Variants in PMFBP1 observed in about 807,000 individuals in gnomAD.
The protein encoded by PMFBP1 is polyamine modulated factor 1 binding protein 1, also known as polyamine-modulated factor 1-binding protein 1.
A neutral mutation model predicts 137.8 loss-of-function variants in PMFBP1; 131 were observed. That is an observed-to-expected ratio of 0.95 (90% CI 0.82 to 1.10). PMFBP1 has a LOEUF of 1.10. Ranked by LOEUF, PMFBP1 falls within the 50% of genes least tolerant of loss-of-function variation. PMFBP1 has a pLI of 0.00. For synonymous variants in PMFBP1, 490 were observed against 450.4 expected (o/e 1.09, Z -1.11); for missense variants, 1,199 against 1,175.4 (o/e 1.02, Z -0.29).
chr16:72,157,814 G>T (rs1049649429), intron 3 of PMFBP1, among the ~76,000 whole-genome samples: 1 of 152,164 alleles, frequency 6.6e-6, no homozygotes, highest in South Asian at 2.1e-4. Context: ...GGATGACGGC[G>T]TGGACCAAGA....
the PMFBP1 span, among the ~76,000 whole-genome samples, chr16:72,239,915 A>AAAAAAAAAAAAAAAAAAAAAAAAAAAG: frequency 1.4e-5 from 2 of 145,048 alleles, 1 homozygote; most frequent in Non-Finnish European, 3.1e-5. Flanking sequence ...AAAAAAAAAA[A>AAAAAAAAAAAAAAAAAAAAAAAAAAAG]AAGAATGTTC....
chr16:72,181,874 T>C (rs912004295), upstream of PMFBP1, among the ~76,000 whole-genome samples: 1 of 152,218 alleles, frequency 6.6e-6, no homozygotes, highest in African/African-American at 2.4e-5. Flanking sequence ...TTTACAGGGG[T>C]GTCCAATCTT....
rs370175957 is a variant in PMFBP1 at position 72,121,833 on chromosome 16, G to A, written c.2768+1081C>T. Among the ~76,000 whole-genome samples, 51 of 152,272 alleles carry A rather than the reference G, an allele frequency of 3.3e-4. No homozygotes were observed. The South Asian group carries it at 8.5e-3, about 25-fold the overall frequency. On this transcript the variant is annotated intron_variant, in intron 19 of 20. Transcript: ENST00000237353. The stretch of plus-strand genomic sequence containing the variant: ...TTTATACAGACAGGGCCTTGCTGTC[G>A]TCCAGGCTAGTCTTAAACTCCTGGG...
At chr16:72,228,837 CTT>C in the PMFBP1 span, among the ~76,000 whole-genome samples, 155 of 135,600 alleles carry the variant, frequency 1.1e-3, no homozygotes, top group Middle Eastern at 3.8e-3. Context: ...TTATATATTA[CTT>C]TTTTTTTTTT....
At chr16:72,142,378 G>A (rs1261802622) in intron 5 of PMFBP1, among the ~76,000 whole-genome samples, 1 of 151,966 alleles carries the variant, frequency 6.6e-6, no homozygotes, top group African/African-American at 2.4e-5. Flanking sequence ...AGACTAAAAG[G>A]ATTAGTGAAG....
At chr16:72,209,725 A>G in the PMFBP1 span, among the ~76,000 whole-genome samples, 78,049 of 152,022 alleles carry the variant, frequency 0.51, 21,265 homozygotes, top group African/African-American at 0.69. Flanking sequence ...AATACAAGAC[A>G]TAATATTGAC....
At chr16:72,120,444 C>A (rs1289793371) in intron 19 of PMFBP1, among the ~76,000 whole-genome samples, 1 of 152,180 alleles carries the variant, frequency 6.6e-6, no homozygotes, top group Non-Finnish European at 1.5e-5. Flanking sequence ...AGCCAGAAGG[C>A]TGGTAGGGAC....
chr16:72,163,116 C>A (rs559580005), intron 3 of PMFBP1, among the ~76,000 whole-genome samples: 1 of 152,354 alleles, frequency 6.6e-6, no homozygotes, highest in South Asian at 2.1e-4. Flanking sequence ...GTGAAGAACA[C>A]AGTGGCGGCT....
rs1175984972 is a variant in PMFBP1, at chr16:72,140,400, G to A, written c.807+12C>T. On this transcript the variant is annotated intron_variant, in intron 6 of 20. Coordinates refer to ENST00000237353, the MANE Select transcript of PMFBP1 (RefSeq NM_031293.3). The stretch of plus-strand genomic sequence containing the variant: ...GGTCTCCCAGAGACATGTTCTAGAA[G>A]AAGGCACTTACCAAAGCGTTACTGC... 1 of 1,607,256 alleles carries A rather than the reference G, an allele frequency of 6.2e-7. No individual in the cohort carries two copies. The highest frequency in any genetic ancestry group is 2.2e-5 in the East Asian group (1 of 44,844).
At chr16:72,207,305 A>G in the PMFBP1 span, among the ~76,000 whole-genome samples, 1 of 152,210 alleles carries the variant, frequency 6.6e-6, no homozygotes, top group Non-Finnish European at 1.5e-5. Flanking sequence ...AGGAAAAGCC[A>G]CAGGGCTTGT....
the PMFBP1 span, among the ~76,000 whole-genome samples, chr16:72,212,814 C>T: frequency 6.6e-6 from 1 of 152,132 alleles, no homozygotes; most frequent in South Asian, 2.1e-4. Context: ...AAAAAAGATC[C>T]TGAAAGTTTC....
chr16:72,220,880 T>C, the PMFBP1 span, among the ~76,000 whole-genome samples: 1 of 152,154 alleles, frequency 6.6e-6, no homozygotes, highest in Non-Finnish European at 1.5e-5. Flanking sequence ...ACTGTCTGCT[T>C]TGGGAAAGGT....
intron 5 of PMFBP1, among the ~76,000 whole-genome samples, chr16:72,149,647 A>G (rs904527740): frequency 1.3e-5 from 2 of 152,118 alleles, no homozygotes; most frequent in Non-Finnish European, 2.9e-5. Context: ...ACACGGCGAA[A>G]CCATGTCTCT....
chr16:72,245,433 T>C, the PMFBP1 span, among the ~76,000 whole-genome samples: 153 of 152,314 alleles, frequency 1.0e-3, 3 homozygotes, highest in South Asian at 0.03. Context: ...CCAGATGGCC[T>C]GGCTACAGAG....
the PMFBP1 span, among the ~76,000 whole-genome samples, chr16:72,220,704 T>C: frequency 6.6e-6 from 1 of 152,124 alleles, no homozygotes; most frequent in African/African-American, 2.4e-5. Context: ...GCCTTGCATT[T>C]TTCTCCAGGC....
the PMFBP1 span, among the ~76,000 whole-genome samples, chr16:72,188,841 G>A: frequency 2.0e-5 from 3 of 152,090 alleles, no homozygotes; most frequent in Non-Finnish European, 4.4e-5. Flanking sequence ...GGCGGCCATG[G>A]AAAACCCATC....
At chr16:72,126,242 C>G in intron 14 of PMFBP1, 110 bp from the exon 15 acceptor site, 1 of 1,176,420 alleles carries the variant, frequency 8.5e-7, no homozygotes, top group South Asian at 1.5e-5. Flanking sequence ...TCTGCAGCAA[C>G]CTGCAGAGTC....
At chr16:72,216,775 G>A in the PMFBP1 span, among the ~76,000 whole-genome samples, 1 of 152,176 alleles carries the variant, frequency 6.6e-6, no homozygotes, top group East Asian at 1.9e-4. Context: ...CTGCCCCATA[G>A]GATTCCAGCA....
At chr16:72,158,943 T>A (rs1444546766) in intron 3 of PMFBP1, among the ~76,000 whole-genome samples, 1 of 152,202 alleles carries the variant, frequency 6.6e-6, no homozygotes, top group Non-Finnish European at 1.5e-5. Flanking sequence ...TTCAGTGAGC[T>A]ATGGTCACAC....
Sources: allele counts gnomAD v4.1 joint callset (sites outside exome capture counted in the v4.1 genomes callset), GRCh38; gene constraint gnomAD v4.1.1; transcripts MANE v1.5; gene names NCBI Gene and HGNC (gene_info 2026-07-23, HGNC 2026-07-21).